Variants in SPMIP4 observed in about 807,000 individuals in gnomAD.
SPMIP4 encodes the protein sperm microtubule inner protein 4, also known as sperm-associated microtubule inner protein 4.
At chr7:25,148,023 T>G in the SPMIP4 span, among the ~76,000 whole-genome samples, 2 of 152,222 alleles carry the variant, frequency 1.3e-5, no homozygotes, top group Non-Finnish European at 2.9e-5. Context: ...TGCAGCTAAG[T>G]TACACATTTT....
chr7:25,145,978 T>C, the SPMIP4 span, among the ~76,000 whole-genome samples: 2 of 152,240 alleles, frequency 1.3e-5, no homozygotes, highest in East Asian at 1.9e-4. Flanking sequence ...CCAGGTTAAA[T>C]AGGGGAGGTT....
chr7:25,151,043 C>T, the SPMIP4 span, among the ~76,000 whole-genome samples: 5 of 152,022 alleles, frequency 3.3e-5, no homozygotes, highest in Admixed American at 2.6e-4. Context: ...TGGAGGAACA[C>T]AGTGTGAGAA....
chr7:25,153,648 A>G, the SPMIP4 span, among the ~76,000 whole-genome samples: 1 of 152,354 alleles, frequency 6.6e-6, no homozygotes, highest in South Asian at 2.1e-4. Flanking sequence ...TAATTTCAGA[A>G]ATTACTGAAT....
the SPMIP4 span, among the ~76,000 whole-genome samples, chr7:25,131,283 C>G: frequency 5.9e-4 from 90 of 152,288 alleles, no homozygotes; most frequent in Admixed American, 8.5e-4. This position sits in a 1 kb window ranked among gnomAD's most constrained non-coding sequence, Gnocchi z 4.2. Context: ...CCCACTGATT[C>G]TACATTATGG....
chr7:25,173,313 T>G, the SPMIP4 span, among the ~76,000 whole-genome samples: 1 of 152,162 alleles, frequency 6.6e-6, no homozygotes, highest in Non-Finnish European at 1.5e-5. The surrounding 1 kb of genome is among the most constrained non-coding windows in gnomAD (Gnocchi z 4.4). Flanking sequence ...AGATTGAGAG[T>G]TGGCAAAGCA....
the SPMIP4 span, among the ~76,000 whole-genome samples, chr7:25,140,426 T>C: frequency 6.6e-6 from 1 of 152,160 alleles, no homozygotes; most frequent in African/African-American, 2.4e-5. Context: ...CTTAGCCTCC[T>C]GAGTAGCTAG....
chr7:25,130,003 C>T, the SPMIP4 span, among the ~76,000 whole-genome samples: 1 of 151,728 alleles, frequency 6.6e-6, no homozygotes, highest in Admixed American at 6.6e-5. Flanking sequence ...TTTGGGAGGC[C>T]GAGGCGGGTG....
the SPMIP4 span, among the ~76,000 whole-genome samples, chr7:25,127,666 T>A: frequency 6.6e-6 from 1 of 152,356 alleles, no homozygotes; most frequent in Admixed American, 6.5e-5. Context: ...CACATATCTC[T>A]TTCTCTCTGG....
the SPMIP4 span, among the ~76,000 whole-genome samples, chr7:25,174,503 A>C: frequency 6.6e-6 from 1 of 152,330 alleles, no homozygotes; most frequent in South Asian, 2.1e-4. This position sits in a 1 kb window ranked among gnomAD's most constrained non-coding sequence, Gnocchi z 4.5. Flanking sequence ...TAATTTAGCC[A>C]GTAACTACTA....
the SPMIP4 span, among the ~76,000 whole-genome samples, chr7:25,170,183 C>T: frequency 6.6e-6 from 1 of 152,076 alleles, no homozygotes; most frequent in South Asian, 2.1e-4. Context: ...AGTATCTCCA[C>T]ATCTTTGCCA....
the SPMIP4 span, among the ~76,000 whole-genome samples, chr7:25,159,501 T>C: frequency 6.6e-6 from 1 of 152,194 alleles, no homozygotes; most frequent in African/African-American, 2.4e-5. Context: ...CCTATGCAAA[T>C]AAAATTCTGA....
chr7:25,136,461 T>C, the SPMIP4 span: 1 of 1,614,206 alleles, frequency 6.2e-7, no homozygotes, highest in Non-Finnish European at 8.5e-7. This position sits in a 1 kb window ranked among gnomAD's most constrained non-coding sequence, Gnocchi z 5.7. Flanking sequence ...TTTTTGGAAA[T>C]GGCTTTATGT....
chr7:25,158,367 T>G, the SPMIP4 span: 1 of 420,952 alleles, frequency 2.4e-6, no homozygotes, highest in Non-Finnish European at 4.0e-6. Context: ...AGACTCTGTC[T>G]CAAAAAAAAA....
the SPMIP4 span, among the ~76,000 whole-genome samples, chr7:25,171,174 T>C: frequency 6.6e-6 from 1 of 152,200 alleles, no homozygotes; most frequent in African/African-American, 2.4e-5. Context: ...TACTATGCAG[T>C]GGACTGGCGG....
the SPMIP4 span, among the ~76,000 whole-genome samples, chr7:25,140,068 G>T: frequency 6.6e-6 from 1 of 152,144 alleles, no homozygotes; most frequent in South Asian, 2.1e-4. Flanking sequence ...ACCATACAGG[G>T]TCGAATCTCT....
At chr7:25,179,431 G>T in the SPMIP4 span, 1 of 1,008,128 alleles carries the variant, frequency 9.9e-7, no homozygotes, top group South Asian at 2.0e-5. Flanking sequence ...CTGCACAGAC[G>T]TCACAGGCTT....
chr7:25,179,404 A>C, the SPMIP4 span: 1 of 1,400,748 alleles, frequency 7.1e-7, no homozygotes, highest in Non-Finnish European at 9.7e-7. Context: ...TACACTGCTA[A>C]ATTGTTCAAC....
the SPMIP4 span, among the ~76,000 whole-genome samples, chr7:25,148,292 A>G: frequency 6.6e-6 from 1 of 152,116 alleles, no homozygotes; most frequent in Non-Finnish European, 1.5e-5. Flanking sequence ...TATCCTCCTG[A>G]GCCTGGTGTG....
At chr7:25,168,584 C>A in the SPMIP4 span, 1 of 834,098 alleles carries the variant, frequency 1.2e-6, no homozygotes, top group East Asian at 2.8e-5. Context: ...ATCTTCAGAA[C>A]ACAGAATTCT....
Sources: gnomAD v4.1 joint callset for allele counts (sites outside exome capture counted in the v4.1 genomes callset) on GRCh38, gnomAD v4.1.1 for gene constraint, Gnocchi (gnomAD v3.1) non-coding constraint, MANE v1.5 for transcripts, NCBI Gene and HGNC (gene_info 2026-07-23, HGNC 2026-07-21) for gene names.